Variants in SEMA4D observed in about 807,000 individuals in gnomAD.
The protein encoded by SEMA4D is semaphorin-4D.
SEMA4D carries 22 observed loss-of-function variants against 74.8 expected under a neutral mutation model. The observed-to-expected ratio is 0.29, with a 90% CI of 0.21 to 0.42. The LOEUF (loss-of-function observed/expected upper bound fraction) is 0.42, where lower values mean the gene tolerates loss of function less well. Ranked by LOEUF, SEMA4D falls within the 10% of genes least tolerant of loss-of-function variation. The pLI is 1.00. For missense variants in SEMA4D, 937 were observed against 1,118.4 expected (o/e 0.84, Z 2.31); for synonymous variants, 445 against 463.7 (o/e 0.96, Z 0.52).
At chr9:89,452,973 C>T (rs1854987858) in intron 2 of SEMA4D, among the ~76,000 whole-genome samples, 1 of 152,240 alleles carries the variant, frequency 6.6e-6, no homozygotes, top group Non-Finnish European at 1.5e-5. Flanking sequence ...CACAGGGCTG[C>T]AGCAGAGGAC....
At chr9:89,437,735 G>T (rs1196905144) in intron 2 of SEMA4D, among the ~76,000 whole-genome samples, 3 of 152,154 alleles carry the variant, frequency 2.0e-5, no homozygotes, top group African/African-American at 7.2e-5. Context: ...ACTTGAGCAG[G>T]CACAGGTGAC....
intron 1 of SEMA4D, among the ~76,000 whole-genome samples, chr9:89,461,700 C>CTCTCTTTTTTTTTTTTTTTTTT (rs71281350): frequency 3.9e-5 from 4 of 103,662 alleles, no homozygotes; most frequent in South Asian, 3.8e-4. Flanking sequence ...TCTTTTTTCT[C>CTCTCTTTTTTTTTTTTTTTTTT]TTTTTTTTTT....
intron 2 of SEMA4D, among the ~76,000 whole-genome samples, chr9:89,427,130 T>C (rs1460423914): frequency 6.6e-6 from 1 of 152,184 alleles, no homozygotes; most frequent in Non-Finnish European, 1.5e-5. Context: ...TAATGAATTA[T>C]AGTCAATCCC....
intron 13 of SEMA4D, chr9:89,385,713 T>C: frequency 2.2e-6 from 1 of 453,192 alleles, no homozygotes; most frequent in South Asian, 9.4e-5. Context: ...CAAGGGTAGG[T>C]ATCTTACCCG....
At chr9:89,362,767 C>T (rs529244165) in intron 18 of SEMA4D, among the ~76,000 whole-genome samples, 19 of 152,370 alleles carry the variant, frequency 1.2e-4, no homozygotes, top group African/African-American at 3.6e-4. Flanking sequence ...CTGGCAGCCA[C>T]GTAACCCACA....
At chr9:89,458,647 A>G (rs934384130) in intron 1 of SEMA4D, among the ~76,000 whole-genome samples, 2 of 152,018 alleles carry the variant, frequency 1.3e-5, no homozygotes, top group Non-Finnish European at 2.9e-5. Flanking sequence ...ACACATGTAT[A>G]TTCACATACA....
At position 89,392,445 on chromosome 9, in the gene SEMA4D, T is replaced by C. The variant is rs755446252; in HGVS notation, c.600A>G (p.Glu200=). Residue 200 remains glutamate (E), a synonymous_variant, in exon 8 of 16, where the codon GAA becomes GAG. Coordinates refer to ENST00000422704, the MANE Select transcript of SEMA4D (RefSeq NM_001371194.2). ...TACCGTTCAGCCAAGGGATTGCATATTCTGTCCTCAGAGGACTGTGGGAAG... is the reference window on the plus strand; with the variant it reads ...TACCGTTCAGCCAAGGGATTGCATACTCTGTCCTCAGAGGACTGTGGGAAG... ...RNSSHSPLRT[E]YAIPWLNEPS... The C allele has an allele frequency of 6.2e-7, 1 of 1,613,500 alleles. No individual in the cohort carries two copies. The highest frequency in any genetic ancestry group is 8.5e-7 in the Non-Finnish European group (1 of 1,179,460).
chr9:89,401,524 G>A (rs573293981), intron 4 of SEMA4D, among the ~76,000 whole-genome samples: 4 of 152,270 alleles, frequency 2.6e-5, no homozygotes, highest in South Asian at 2.1e-4. Context: ...CCCACACCGC[G>A]AGGTCTCAGG....
At chr9:89,386,265 G>GC in intron 13 of SEMA4D, 102 bp downstream of exon 13, 1 of 1,044,928 alleles carries the variant, frequency 9.6e-7, no homozygotes, top group Non-Finnish European at 1.4e-6. Flanking sequence ...AGACAGAGGG[G>GC]CCTGCCCAGG....
chr9:89,440,946 G>A (rs1280890340), intron 2 of SEMA4D, among the ~76,000 whole-genome samples: 1 of 152,234 alleles, frequency 6.6e-6, no homozygotes, highest in Non-Finnish European at 1.5e-5. Flanking sequence ...CTGGACTACT[G>A]CAGCAAATTT....
At chr9:89,439,143 G>A (rs1178456039) in intron 2 of SEMA4D, among the ~76,000 whole-genome samples, 4 of 151,712 alleles carry the variant, frequency 2.6e-5, no homozygotes, top group Non-Finnish European at 4.4e-5. Context: ...CACTACGCCC[G>A]GCTAATTTTT....
chr9:89,465,494 T>C (rs1276854222), intron 1 of SEMA4D, among the ~76,000 whole-genome samples: 1 of 152,138 alleles, frequency 6.6e-6, no homozygotes, highest in Non-Finnish European at 1.5e-5. Flanking sequence ...CCATGATGGA[T>C]TGATAATTAG....
intron 1 of SEMA4D, among the ~76,000 whole-genome samples, chr9:89,474,398 T>C (rs1472111340): frequency 6.6e-6 from 1 of 152,196 alleles, no homozygotes; most frequent in Non-Finnish European, 1.5e-5. Flanking sequence ...AAATAAAATA[T>C]AAACAGATCC....
At chr9:89,466,564 T>C (rs1858767011) in intron 1 of SEMA4D, among the ~76,000 whole-genome samples, 1 of 152,156 alleles carries the variant, frequency 6.6e-6, no homozygotes, top group African/African-American at 2.4e-5. Context: ...ACGCAGTGCA[T>C]CATCGAGGGA....
intron 2 of SEMA4D, among the ~76,000 whole-genome samples, chr9:89,409,749 A>T (rs1217127948): frequency 6.6e-6 from 1 of 152,054 alleles, no homozygotes; most frequent in Non-Finnish European, 1.5e-5. Flanking sequence ...CGGGTCAAAT[A>T]CCAAAGATGC....
At chr9:89,489,956 A>T (rs1368195727) in intron 1 of SEMA4D, among the ~76,000 whole-genome samples, 1 of 151,694 alleles carries the variant, frequency 6.6e-6, no homozygotes, top group Non-Finnish European at 1.5e-5. Context: ...ACCATTTTAC[A>T]TTTCTATCCG....
intron 2 of SEMA4D, among the ~76,000 whole-genome samples, chr9:89,425,843 G>C (rs1847978547): frequency 2.0e-5 from 3 of 152,234 alleles, no homozygotes; most frequent in Admixed American, 2.0e-4. Context: ...ACCATGACTG[G>C]CACAGTGCTC....
downstream of SEMA4D, among the ~76,000 whole-genome samples, chr9:89,376,212 G>A (rs937579491): frequency 3.3e-5 from 5 of 152,124 alleles, no homozygotes; most frequent in Non-Finnish European, 7.4e-5. Flanking sequence ...CAAATACCAC[G>A]TATATCAACC....
intron 2 of SEMA4D, among the ~76,000 whole-genome samples, chr9:89,447,057 GC>G (rs1285290344): frequency 3.9e-5 from 6 of 151,954 alleles, no homozygotes; most frequent in African/African-American, 1.2e-4. Flanking sequence ...CTCTCCCACC[GC>G]AGCCCAGCAG....
Sources: allele counts gnomAD v4.1 joint callset (sites outside exome capture counted in the v4.1 genomes callset), GRCh38; gene constraint gnomAD v4.1.1; transcripts MANE v1.5; gene names NCBI Gene and HGNC (gene_info 2026-07-23, HGNC 2026-07-21).